SLC38A5: variants seen among roughly 807,000 people sequenced by gnomAD.
The protein encoded by SLC38A5 is solute carrier family 38 member 5.
Under a neutral mutation model 34.6 loss-of-function variants are expected in SLC38A5, and 9 were observed. That is an observed-to-expected ratio of 0.26 (90% CI 0.16 to 0.45). The LOEUF (loss-of-function observed/expected upper bound fraction) is 0.45, where lower values mean the gene tolerates loss of function less well. Ranked by LOEUF, SLC38A5 falls within the 20% of genes least tolerant of loss-of-function variation. The pLI is 1.00. For synonymous variants in SLC38A5, 157 were observed against 155.6 expected, an observed-to-expected ratio of 1.01 and a Z score of -0.07; for missense variants, 253 against 394.7, an observed-to-expected ratio of 0.64 and a Z score of 3.04.
chrX:48,468,354 C>G (rs987324916), intron 2 of SLC38A5: 2 of 780,749 alleles, frequency 2.6e-6, no homozygotes, highest in Non-Finnish European at 3.0e-6. Flanking sequence ...CCCCGCGCCA[C>G]CCCCTCTCCT....
chrX:48,467,843 G>T (rs368548107), intron 3 of SLC38A5, 29 bp downstream of exon 3: 2 of 1,206,052 alleles, frequency 1.7e-6, no homozygotes, highest in Non-Finnish European at 1.1e-6. Flanking sequence ...CCTGATCCCT[G>T]AGCCCACCTC....
At chrX:48,465,147 C>T (rs1483300957) in intron 8 of SLC38A5, among the ~76,000 whole-genome samples, 1 of 111,857 alleles carries the variant, frequency 8.9e-6, no homozygotes, top group African/African-American at 3.3e-5. Flanking sequence ...ACTGTGCATA[C>T]ACACTAGCCC....
In SLC38A5 at chrX:48,462,991, A is replaced by G. The variant is rs1212674681; in HGVS notation, c.492-11T>C. The G allele has an allele frequency of 1.7e-6, 2 of 1,168,642 alleles. No homozygotes were observed. The highest frequency in any genetic ancestry group is 2.3e-6 in the Non-Finnish European group (2 of 862,476). Reference sequence around the variant, plus strand: ...TTCAAGAACCAGTCCCTAGAGAGACAGGAAGACACAGTGCCTAGCTGCCAG... The same window carrying G: ...TTCAAGAACCAGTCCCTAGAGAGACGGGAAGACACAGTGCCTAGCTGCCAG... On this transcript the variant is annotated splice_polypyrimidine_tract_variant and intron_variant, in intron 8 of 16. Coordinates refer to ENST00000620913, the MANE Select transcript of SLC38A5 (RefSeq NM_033518.4).
At chrX:48,468,891 T>G (rs2061497574) in intron 2 of SLC38A5, 2 of 750,504 alleles carry the variant, frequency 2.7e-6, no homozygotes, top group African/African-American at 4.7e-5. Flanking sequence ...CTACCGAGTT[T>G]CCTGGGGTGG....
intron 6 of SLC38A5, 25 bp downstream of exon 6, chrX:48,466,774 C>A (rs1556963467): frequency 1.7e-6 from 2 of 1,178,702 alleles, no homozygotes; most frequent in Non-Finnish European, 2.3e-6. Flanking sequence ...GGAGTGGGGA[C>A]TGGGATCCAG....
At chrX:48,467,522 C>G (rs1556963789) in intron 4 of SLC38A5, 188 bp downstream of exon 4, 1 of 455,595 alleles carries the variant, frequency 2.2e-6, no homozygotes, top group African/African-American at 2.5e-5. Flanking sequence ...AGGGAGAGAG[C>G]TGGAAAGGGC....
In SLC38A5 at chrX:48,467,713, C is replaced by G; in HGVS notation, c.126G>C (p.Met42Ile). Reference protein sequence around the residue: ...PAPGSKPVQFMDFEGKTSFGM... With the variant: ...PAPGSKPVQFIDFEGKTSFGM... Reference sequence around the variant, plus strand: ...CAGATCCTGTGGGGCCACTCACATCCATGAACTGGACCGGCTTGCTCCCAG... The same window carrying G: ...CAGATCCTGTGGGGCCACTCACATCGATGAACTGGACCGGCTTGCTCCCAG... Residue 42 changes from methionine to isoleucine, a missense_variant, in exon 4 of 17, where the codon ATG (methionine) becomes ATC (isoleucine). Around this residue, in one of 3 missense-constraint regions of SLC38A5, gnomAD observed 40 missense variants for 36.4 expected, o/e 1.10. Coordinates refer to ENST00000620913, the MANE Select transcript of SLC38A5 (RefSeq NM_033518.4). The G allele has an allele frequency of 8.3e-7, 1 of 1,207,263 alleles. No individual in the cohort carries two copies. Among genetic ancestry groups the G allele is most frequent in the Non-Finnish European group, 1.1e-6 (1 of 893,404 alleles).
Position 48,459,703 on chromosome X carries a change from G to A in SLC38A5, c.1213+29C>T, listed in dbSNP as rs782037812. The A allele has an allele frequency of 3.3e-6, 4 of 1,202,654 alleles. No individual in the cohort carries two copies. The East Asian group carries it at 8.9e-5, about 27-fold the overall frequency. On this transcript the variant is annotated intron_variant, in intron 15 of 16. Coordinates refer to ENST00000620913, the MANE Select transcript of SLC38A5 (RefSeq NM_033518.4). ...TGGGGACAAGGCCCATATTAGATGG[G>A]GTATGGGACTGGGGTGAGGTTTACT...
chrX:48,462,077 G>C lies in SLC38A5; in HGVS notation c.701C>G (p.Ala234Gly), dbSNP rs2061438376. ...GHNETAMESEALVGLPSQGLN... is the reference protein window; with the variant it reads ...GHNETAMESEGLVGLPSQGLN... ...TCCTTGGCTGGGGAGTCCCACGAGA[G>C]CTTCACTCTCCATTGCTGTTTCATT... The change falls in exon 11 of 17, where the codon GCT (alanine) becomes GGT (glycine). Residue 234 changes from alanine (A) to glycine (G), a missense_variant. This residue lies in a region of SLC38A5 where 176 missense variants were observed against 273.0 expected (regional missense o/e 0.64). Coordinates refer to ENST00000620913, the MANE Select transcript of SLC38A5 (RefSeq NM_033518.4). 1 of 1,169,652 alleles carries C rather than the reference G, an allele frequency of 8.5e-7. No individual in the cohort carries two copies. Among genetic ancestry groups the C allele is most frequent in the African/African-American group, 1.8e-5 (1 of 56,043 alleles).
In SLC38A5 at chrX:48,458,871, T is replaced by G. The variant is rs946854285; in HGVS notation, c.*62A>C. 4 of 1,132,623 alleles carry G rather than the reference T, an allele frequency of 3.5e-6. No homozygotes were observed. Among genetic ancestry groups the G allele is most frequent in the Non-Finnish European group, 4.7e-6 (4 of 854,968 alleles). 93.3% of individuals were successfully genotyped at this position (1,132,623 alleles called of 1,213,427 possible). Reference sequence around the variant, plus strand: ...TCCACATGTTGGGCAGGAGGGACCCTAGGGAGCGGCCCTGACCCCTCCATG... The same window carrying G: ...TCCACATGTTGGGCAGGAGGGACCCGAGGGAGCGGCCCTGACCCCTCCATG... On this transcript the variant is annotated 3_prime_UTR_variant, in exon 17 of 17. Transcript: ENST00000620913.
intron 14 of SLC38A5, 108 bp from the exon 15 acceptor site, chrX:48,459,984 C>T (rs1256140777): frequency 2.0e-6 from 2 of 1,001,769 alleles, no homozygotes; most frequent in African/African-American, 3.9e-5. Flanking sequence ...CTGATTTCCC[C>T]TCCCTCTGAC....
rs187915063 is a variant in SLC38A5, at chrX:48,465,204, C to T, written c.491+811G>A. 6.7e-4 allele frequency among the ~76,000 whole-genome samples: 75 copies of T among 111,811 alleles called. No individual in the cohort carries two copies. The East Asian group carries it at 0.017, about 25-fold the overall frequency. The stretch of plus-strand genomic sequence containing the variant: ...ATGCCCCCCACACATACCAAGCCAG[C>T]ACAGCGGATCCGGACTCACACACAG... On this transcript the variant is annotated intron_variant, in intron 8 of 16. Transcript: ENST00000620913.
Position 48,467,023 on chromosome X carries a change from T to A in SLC38A5, c.184A>T (p.Met62Leu). The change falls in exon 5 of 17, where the codon ATG becomes TTG. Residue 62 changes from methionine to leucine, a missense_variant. Physicochemically the swap from Met to Leu is conservative, Grantham distance 15. Coordinates refer to ENST00000620913, the MANE Select transcript of SLC38A5 (RefSeq NM_033518.4). ...MSVFNLSNAI[M>L]GSGILGLAYA... Reference sequence around the variant, plus strand: ...GCCAGCCCCAGGATGCCGCTGCCCATGATGGCGTTGCTGAGGTTGAACACT... The same window carrying A: ...GCCAGCCCCAGGATGCCGCTGCCCAAGATGGCGTTGCTGAGGTTGAACACT... 4 of 1,211,975 alleles carry A rather than the reference T, an allele frequency of 3.3e-6. No homozygotes were observed. The highest frequency in any genetic ancestry group is 4.5e-6 in the Non-Finnish European group (4 of 895,521).
intron 12 of SLC38A5, 146 bp from the exon 13 acceptor site, chrX:48,461,232 C>T (rs782637978): frequency 1.2e-5 from 6 of 480,799 alleles, no homozygotes; most frequent in African/African-American, 7.0e-5. Flanking sequence ...TCTGCCTCCC[C>T]TGTGACTAGC....
intron 11 of SLC38A5, 76 bp from the exon 12 acceptor site, chrX:48,461,873 G>A (rs1214000965): frequency 3.1e-5 from 30 of 971,762 alleles, no homozygotes; most frequent in South Asian, 1.1e-4. Context: ...CTCCCGCCCC[G>A]TAATCGCCCT....
At chrX:48,459,980 T>A in intron 14 of SLC38A5, 104 bp from the exon 15 acceptor site, 1 of 1,031,805 alleles carries the variant, frequency 9.7e-7, no homozygotes, top group South Asian at 2.4e-5. Flanking sequence ...ATCCCTGATT[T>A]CCCCTCCCTC....
intron 14 of SLC38A5, 152 bp from the exon 15 acceptor site, chrX:48,460,028 T>C: frequency 2.7e-6 from 2 of 744,741 alleles, no homozygotes; most frequent in South Asian, 5.9e-5. Flanking sequence ...ACCCAACATC[T>C]GTGTCTCTAT....
Position 48,458,675 on chromosome X carries a change from CTCCTCCTCCTCCTCCTCCTCTTCT to C in SLC38A5, c.*234_*257del, listed in dbSNP as rs1488050334. The C allele has an allele frequency of 2.6e-4, 250 of 978,866 alleles. No homozygotes were observed. Among genetic ancestry groups the C allele is most frequent in the Non-Finnish European group, 2.9e-4 (227 of 779,283 alleles). The allele number at this position is 978,866 out of a possible 1,213,427, so 80.7% of individuals were successfully genotyped here. A position where few individuals can be genotyped will look rare whatever the true frequency, so the allele number is the denominator to read the frequency against. ...AGGACCTGGCCTCCTCCTCCTCCTC[CTCCTCCTCCTCCTCCTCCTCTTCT>C]TCCTCCTCCTCCTCCTCCCATGGGG... is the stretch of plus-strand genomic sequence containing the variant. On this transcript the variant is annotated 3_prime_UTR_variant, in exon 17 of 17. Transcript: ENST00000620913.
intron 4 of SLC38A5, chrX:48,467,330 G>A: frequency 2.3e-6 from 1 of 427,396 alleles, no homozygotes; most frequent in East Asian, 3.8e-5. Context: ...GAGGACCGGG[G>A]GAGGGTGAAG....
Sources: allele counts gnomAD v4.1 joint callset (sites outside exome capture counted in the v4.1 genomes callset), GRCh38; gene constraint gnomAD v4.1.1; regional missense constraint gnomAD v4.1.1; transcripts MANE v1.5; gene names NCBI Gene and HGNC (gene_info 2026-07-23, HGNC 2026-07-21).